Variants in PEX5L observed in about 807,000 individuals in gnomAD.
The protein encoded by PEX5L is PEX5-related protein.
PEX5L carries 30 observed loss-of-function variants against 84.0 expected under a neutral mutation model. The observed-to-expected ratio is 0.36, with a 90% CI of 0.27 to 0.48. The LOEUF (loss-of-function observed/expected upper bound fraction) is 0.48, where lower values mean the gene tolerates loss of function less well. Ranked by LOEUF, PEX5L falls within the 20% of genes least tolerant of loss-of-function variation. The pLI is 0.99. For synonymous variants in PEX5L, 270 were observed against 283.1 expected (o/e 0.95, Z 0.46); for missense variants, 533 against 754.6 (o/e 0.71, Z 3.44).
intron 1 of PEX5L, among the ~76,000 whole-genome samples, chr3:180,018,944 T>C (rs1040993114): frequency 5.3e-5 from 8 of 152,204 alleles, no homozygotes; most frequent in Admixed American, 5.2e-4. Flanking sequence ...GGCCACTCTA[T>C]TAAAGGCATC....
At chr3:179,987,025 A>G (rs1786917339) in intron 1 of PEX5L, among the ~76,000 whole-genome samples, 2 of 152,178 alleles carry the variant, frequency 1.3e-5, no homozygotes, top group South Asian at 4.1e-4. Flanking sequence ...GTTCAAAGCC[A>G]GGTCTGCTAT....
intron 11 of PEX5L, among the ~76,000 whole-genome samples, chr3:179,810,671 A>G (rs753827712): frequency 7.2e-5 from 11 of 152,188 alleles, no homozygotes; most frequent in Non-Finnish European, 1.6e-4. Flanking sequence ...TAGGCAGGAC[A>G]TAATACCACT....
chr3:179,867,946 T>C (rs1260400433), intron 7 of PEX5L, among the ~76,000 whole-genome samples: 1 of 152,140 alleles, frequency 6.6e-6, no homozygotes, highest in African/African-American at 2.4e-5. Flanking sequence ...AAATTGTGAA[T>C]TATCTCTGGT....
intron 2 of PEX5L, chr3:179,900,654 T>G (rs1360456081): frequency 6.6e-7 from 1 of 1,518,328 alleles, no homozygotes; most frequent in Admixed American, 2.0e-5. Flanking sequence ...TTTTATTTCT[T>G]GCAGAAAAAA....
chr3:179,858,121 T>C (rs769591681), intron 8 of PEX5L, among the ~76,000 whole-genome samples: 5 of 152,184 alleles, frequency 3.3e-5, no homozygotes, highest in Non-Finnish European at 5.9e-5. Flanking sequence ...AGACCACCCT[T>C]TCAGTGTAAT....
At chr3:179,910,714 G>A (rs1764871487) in intron 2 of PEX5L, among the ~76,000 whole-genome samples, 1 of 152,088 alleles carries the variant, frequency 6.6e-6, no homozygotes, top group African/African-American at 2.4e-5. Context: ...ATATCCATGG[G>A]GGACTTTAGA....
intron 1 of PEX5L, among the ~76,000 whole-genome samples, chr3:179,983,389 T>C (rs1786516163): frequency 1.3e-5 from 2 of 151,952 alleles, no homozygotes; most frequent in Admixed American, 6.5e-5. Context: ...TAAGAGACAA[T>C]AGCACATAAG....
At chr3:179,947,395 C>T (rs190089528) in intron 2 of PEX5L, among the ~76,000 whole-genome samples, 179 of 152,128 alleles carry the variant, frequency 1.2e-3, no homozygotes, top group Non-Finnish European at 2.3e-3. Flanking sequence ...TTATTTCAAA[C>T]CCTTACACCA....
At chr3:179,870,653 C>T (rs191041137) in intron 7 of PEX5L, among the ~76,000 whole-genome samples, 1 of 152,298 alleles carries the variant, frequency 6.6e-6, no homozygotes, top group African/African-American at 2.4e-5. Flanking sequence ...TACCATCATT[C>T]CCTACTTCCC....
chr3:179,884,519 T>C (rs1755157900), intron 4 of PEX5L, among the ~76,000 whole-genome samples: 1 of 152,228 alleles, frequency 6.6e-6, no homozygotes, highest in African/African-American at 2.4e-5. Flanking sequence ...TCTATTGACA[T>C]CTTGATTTTA....
intron 11 of PEX5L, among the ~76,000 whole-genome samples, chr3:179,811,213 ATGTATGTGTGTGTG>A (rs1208467497): frequency 3.3e-5 from 2 of 60,034 alleles, no homozygotes; most frequent in African/African-American, 1.6e-4. Flanking sequence ...AACATATGGA[ATGTATGTGTGTGTG>A]TGTGTGTGTG....
At chr3:179,999,767 T>C (rs1298684743) in intron 1 of PEX5L, among the ~76,000 whole-genome samples, 1 of 152,238 alleles carries the variant, frequency 6.6e-6, no homozygotes, top group Non-Finnish European at 1.5e-5. Context: ...TCACTCGCTT[T>C]ATGGCTAAAG....
At chr3:179,955,503 A>C (rs1237551259) in intron 2 of PEX5L, among the ~76,000 whole-genome samples, 2 of 150,308 alleles carry the variant, frequency 1.3e-5, no homozygotes, top group African/African-American at 2.4e-5. Flanking sequence ...TTTTTTCAAA[A>C]AGAAGGCACA....
At chr3:180,017,649 AATT>A (rs900776987) in intron 1 of PEX5L, among the ~76,000 whole-genome samples, 12 of 151,898 alleles carry the variant, frequency 7.9e-5, no homozygotes, top group African/African-American at 2.4e-4. Context: ...TCCTTATAAA[AATT>A]ATTTATTTCT....
rs188782951 is a variant in PEX5L, at chr3:179,954,755, G to A, written c.93+16839C>T. On this transcript the variant is annotated intron_variant, in intron 2 of 14. Transcript: ENST00000467460. ...CTTGACTAGCTATGTGACTCTTTTC[G>A]GGTTTCTCAGCCCTTCTAAGCTTTG... 6.3e-4 allele frequency among the ~76,000 whole-genome samples: 96 copies of A among 151,846 alleles called. 1 individual carries two copies. In the East Asian group the frequency reaches 0.017, roughly 26 times the overall value.
intron 2 of PEX5L, among the ~76,000 whole-genome samples, chr3:179,958,044 A>G (rs1421165042): frequency 6.6e-6 from 1 of 152,140 alleles, no homozygotes; most frequent in Non-Finnish European, 1.5e-5. Flanking sequence ...ATACACACAC[A>G]CATGCACACA....
At chr3:179,847,138 G>A (rs1434384743) in intron 8 of PEX5L, among the ~76,000 whole-genome samples, 1 of 150,696 alleles carries the variant, frequency 6.6e-6, no homozygotes, top group Admixed American at 6.6e-5. Context: ...TAGGAGATAT[G>A]TCTGTATATA....
intron 8 of PEX5L, among the ~76,000 whole-genome samples, chr3:179,857,302 G>C (rs10937012): frequency 0.45 from 68,021 of 152,032 alleles, 15,698 homozygotes; most frequent in East Asian, 0.74. Context: ...TGCTCCAGAG[G>C]GGGTAAAACC....
At chr3:179,973,792 T>C (rs1785359996) in intron 1 of PEX5L, 33 of 985,214 alleles carry the variant, frequency 3.3e-5, no homozygotes, top group Non-Finnish European at 3.9e-5. Context: ...GGAAATTATG[T>C]CCCCCAACCA....
Sources: gnomAD v4.1 joint callset for allele counts (sites outside exome capture counted in the v4.1 genomes callset) on GRCh38, gnomAD v4.1.1 for gene constraint, MANE v1.5 for transcripts, NCBI Gene and HGNC (gene_info 2026-07-23, HGNC 2026-07-21) for gene names.